The following FSHR variants were observed in gnomAD, a reference collection of about 807,000 sequenced individuals.
FSHR encodes follicle-stimulating hormone receptor.
FSHR carries 46 observed loss-of-function variants against 52.1 expected under a neutral mutation model. That is an observed-to-expected ratio of 0.88 (90% CI 0.70 to 1.13). The LOEUF is 1.13. Among genes scored for constraint, FSHR ranks in the 50% most tolerant of loss-of-function variants. The probability of loss-of-function intolerance (pLI) is 0.00; values close to 1 mark genes in which losing one functional copy is unlikely to be tolerated. For missense variants in FSHR, 964 were observed against 834.6 expected (o/e 1.16, Z -1.91); for synonymous variants, 399 against 309.6 (o/e 1.29, Z -3.03).
chr2:48,970,766 T>G (rs560248420), intron 8 of FSHR, among the ~76,000 whole-genome samples: 1 of 152,316 alleles, frequency 6.6e-6, no homozygotes, highest in African/African-American at 2.4e-5. Flanking sequence ...CCATCTTTCT[T>G]GTAAATATGT....
chr2:49,105,213 G>C (rs1671180128), intron 1 of FSHR, among the ~76,000 whole-genome samples: 2 of 152,126 alleles, frequency 1.3e-5, no homozygotes, highest in African/African-American at 4.8e-5. Flanking sequence ...GCCTTGAAAA[G>C]TGAGAAAGGG....
At chr2:49,072,230 A>C (rs1167005065) in intron 1 of FSHR, among the ~76,000 whole-genome samples, 3 of 151,288 alleles carry the variant, frequency 2.0e-5, no homozygotes, top group African/African-American at 7.2e-5. Context: ...AAGCAAACCA[A>C]CCAACCAACC....
chr2:49,075,679 G>A (rs556659041), intron 1 of FSHR, among the ~76,000 whole-genome samples: 1 of 151,974 alleles, frequency 6.6e-6, no homozygotes, highest in Non-Finnish European at 1.5e-5. Context: ...CCAGGCTGGA[G>A]TGCAGTGGCA....
intron 8 of FSHR, among the ~76,000 whole-genome samples, chr2:48,970,666 A>G (rs1674703463): frequency 1.3e-5 from 2 of 152,162 alleles, no homozygotes; most frequent in Non-Finnish European, 2.9e-5. Context: ...GTGTGTCCCC[A>G]TTCAGATCCT....
At chr2:49,133,732 T>C (rs774794652) in intron 1 of FSHR, among the ~76,000 whole-genome samples, 5 of 151,978 alleles carry the variant, frequency 3.3e-5, no homozygotes, top group African/African-American at 7.3e-5. Context: ...TATAGACCAA[T>C]GGAACATAAC....
At chr2:49,020,619 G>A (rs1423453244) in intron 2 of FSHR, among the ~76,000 whole-genome samples, 1 of 151,818 alleles carries the variant, frequency 6.6e-6, no homozygotes, top group Non-Finnish European at 1.5e-5. Flanking sequence ...TGTAACCAAA[G>A]GTAACACATG....
intron 4 of FSHR, among the ~76,000 whole-genome samples, chr2:49,011,530 A>T (rs1006974690): frequency 6.6e-6 from 1 of 152,164 alleles, no homozygotes; most frequent in African/African-American, 2.4e-5. Flanking sequence ...AGAGTTCTGT[A>T]GATGTCTATT....
chr2:49,094,812 G>C (rs946498386), intron 1 of FSHR, among the ~76,000 whole-genome samples: 9 of 151,914 alleles, frequency 5.9e-5, no homozygotes, highest in Non-Finnish European at 8.8e-5. Context: ...AAATAAAATA[G>C]AGAATAGAAA....
chr2:49,100,897 G>A (rs775979398), intron 1 of FSHR, among the ~76,000 whole-genome samples: 1 of 152,160 alleles, frequency 6.6e-6, no homozygotes, highest in Non-Finnish European at 1.5e-5. Context: ...GAAGGAGATT[G>A]AGAAAGAATG....
At chr2:49,101,302 G>A (rs1671016981) in intron 1 of FSHR, among the ~76,000 whole-genome samples, 1 of 152,110 alleles carries the variant, frequency 6.6e-6, no homozygotes, top group African/African-American at 2.4e-5. Flanking sequence ...TTTATAGGCT[G>A]GGAAAGAAAG....
chr2:49,066,135 C>CTT (rs1237773744), intron 2 of FSHR, among the ~76,000 whole-genome samples: 1 of 152,096 alleles, frequency 6.6e-6, no homozygotes, highest in East Asian at 1.9e-4. Flanking sequence ...GTAGGCAACT[C>CTT]TTTCAACACA....
chr2:49,038,403 C>A (rs896627033), intron 2 of FSHR, among the ~76,000 whole-genome samples: 1 of 151,782 alleles, frequency 6.6e-6, no homozygotes, highest in African/African-American at 2.4e-5. Context: ...GGGCGGATCA[C>A]GAGGTCAGGA....
chr2:49,015,551 A>G (rs1230900888), intron 4 of FSHR, among the ~76,000 whole-genome samples: 4 of 152,162 alleles, frequency 2.6e-5, no homozygotes, highest in African/African-American at 7.2e-5. Context: ...TTTCTCAACT[A>G]TTGAATGATG....
chr2:49,016,098 C>T (rs1280970280), intron 4 of FSHR, among the ~76,000 whole-genome samples: 1 of 152,168 alleles, frequency 6.6e-6, no homozygotes, highest in East Asian at 1.9e-4. Flanking sequence ...ACATGATGGC[C>T]CAGTGTTTCT....
At chr2:49,093,512 C>T (rs1487666519) in intron 1 of FSHR, among the ~76,000 whole-genome samples, 1 of 151,112 alleles carries the variant, frequency 6.6e-6, no homozygotes, top group Non-Finnish European at 1.5e-5. Flanking sequence ...CTACAGCTAT[C>T]TTTTGATTTG....
At chr2:49,013,499 T>A (rs7421065) in intron 4 of FSHR, among the ~76,000 whole-genome samples, 18 of 65,456 alleles carry the variant, frequency 2.7e-4, no homozygotes, top group South Asian at 8.6e-4. Context: ...TATATATATA[T>A]AAATATATAT....
intron 1 of FSHR, among the ~76,000 whole-genome samples, chr2:49,075,175 AGAAG>A (rs1669902802): frequency 6.6e-6 from 1 of 152,160 alleles, no homozygotes; most frequent in Non-Finnish European, 1.5e-5. Flanking sequence ...CAAATCATAA[AGAAG>A]GATATTGACG....
chr2:48,967,793 AG>A (rs1411972099), intron 9 of FSHR, among the ~76,000 whole-genome samples: 1 of 152,246 alleles, frequency 6.6e-6, no homozygotes, highest in Non-Finnish European at 1.5e-5. Context: ...TGTATGTTAA[AG>A]GTTGAATAAT....
intron 2 of FSHR, among the ~76,000 whole-genome samples, chr2:49,057,446 C>G (rs1158194523): frequency 6.6e-6 from 1 of 151,752 alleles, no homozygotes; most frequent in Non-Finnish European, 1.5e-5. Context: ...GGATAAAGTC[C>G]TAGACAAATA....
Sources: gnomAD v4.1 joint callset for allele counts (sites outside exome capture counted in the v4.1 genomes callset) on GRCh38, gnomAD v4.1.1 for gene constraint, MANE v1.5 for transcripts, NCBI Gene and HGNC (gene_info 2026-07-23, HGNC 2026-07-21) for gene names.